CCDC148: variants seen among roughly 807,000 people sequenced by gnomAD.
The protein encoded by CCDC148 is coiled-coil domain containing 148, also known as coiled-coil domain-containing protein 148.
CCDC148 carries 89 observed loss-of-function variants against 85.7 expected under a neutral mutation model. The observed-to-expected ratio is 1.04, with a 90% confidence interval of 0.87 to 1.24. The LOEUF (loss-of-function observed/expected upper bound fraction) is 1.24. Among genes scored for constraint, CCDC148 ranks in the 50% most tolerant of loss-of-function variants. CCDC148 has a pLI of 0.00. For synonymous variants in CCDC148, 230 were observed against 213.9 expected (o/e 1.08, Z -0.66); for missense variants, 692 against 671.7 (o/e 1.03, Z -0.33).
At position 158,309,454 on chromosome 2, in the gene CCDC148, C is replaced by T; in HGVS notation, c.1089G>A (p.Leu363=). 1.2e-6 allele frequency: 2 copies of T among 1,614,060 alleles called. No homozygotes were observed. The highest frequency in any genetic ancestry group is 1.7e-6 in the Non-Finnish European group (2 of 1,179,944). ...TTACCTTGGCTTTCAGATCAGCACA[C>T]AATTCCTGTTGCTTTTTCTTGTCCT... ...LAKDKKKQQE[L]CADLKAKVRQ... Residue 363 remains leucine (L), a synonymous_variant, in exon 9 of 14, where the codon TTG becomes TTA. Transcript: ENST00000283233.
At chr2:158,438,759 G>A (rs1228814095) in intron 1 of CCDC148, among the ~76,000 whole-genome samples, 4 of 152,076 alleles carry the variant, frequency 2.6e-5, no homozygotes, top group Non-Finnish European at 4.4e-5. Flanking sequence ...AATCTACAAT[G>A]AACTCCAACA....
chr2:158,316,694 T>C (rs760942313), intron 7 of CCDC148, among the ~76,000 whole-genome samples: 12 of 152,180 alleles, frequency 7.9e-5, no homozygotes, highest in Admixed American at 1.3e-4. Flanking sequence ...AATATTCACA[T>C]AGGCAGTAAT....
At chr2:158,417,836 C>T (rs986069290) in intron 1 of CCDC148, among the ~76,000 whole-genome samples, 1 of 152,110 alleles carries the variant, frequency 6.6e-6, no homozygotes, top group African/African-American at 2.4e-5. Context: ...GTAGATCCCC[C>T]TGAGGCATAA....
intron 7 of CCDC148, among the ~76,000 whole-genome samples, chr2:158,329,182 A>T (rs1001610353): frequency 6.6e-6 from 1 of 152,148 alleles, no homozygotes; most frequent in African/African-American, 2.4e-5. Flanking sequence ...ATCTTGAATC[A>T]ATTTTTGTAC....
intron 1 of CCDC148, among the ~76,000 whole-genome samples, chr2:158,418,057 G>C (rs1487042330): frequency 6.7e-6 from 1 of 150,266 alleles, no homozygotes; most frequent in African/African-American, 2.4e-5. Context: ...TAGGTAATAA[G>C]AGAACCATTA....
At chr2:158,284,189 T>G (rs1247701629) in intron 9 of CCDC148, among the ~76,000 whole-genome samples, 2 of 151,328 alleles carry the variant, frequency 1.3e-5, no homozygotes, top group Non-Finnish European at 2.9e-5. Flanking sequence ...GACGAGTTAG[T>G]GGGTGAAGCG....
chr2:158,298,750 T>C (rs1197618437), intron 9 of CCDC148, among the ~76,000 whole-genome samples: 1 of 152,206 alleles, frequency 6.6e-6, no homozygotes, highest in Non-Finnish European at 1.5e-5. Context: ...CTGAAATACA[T>C]ATTTTCATTC....
rs189264367 is a variant in CCDC148, at chr2:158,213,660, C to A, written c.1370+6935G>T. ...TCACTGATAATAGAAAGCAGTGATG[C>A]TAAAGATATACAACAAATGAGATAT... is the stretch of plus-strand genomic sequence containing the variant. On this transcript the variant is annotated intron_variant, in intron 11 of 13. Transcript: ENST00000283233. Among the ~76,000 whole-genome samples, 33 of 152,240 alleles carry A rather than the reference C, an allele frequency of 2.2e-4. No homozygotes were observed. The East Asian group carries it at 5.8e-3, about 27-fold the overall frequency.
At chr2:158,296,804 T>C (rs1315501812) in intron 9 of CCDC148, among the ~76,000 whole-genome samples, 1 of 152,208 alleles carries the variant, frequency 6.6e-6, no homozygotes, top group African/African-American at 2.4e-5. Context: ...GGAACTAATA[T>C]GTAGATTCAT....
intron 11 of CCDC148, among the ~76,000 whole-genome samples, chr2:158,210,471 A>G (rs530045250): frequency 2.6e-5 from 4 of 152,266 alleles, no homozygotes; most frequent in Admixed American, 1.3e-4. Flanking sequence ...CCTAATAGAC[A>G]TCTACAGAAC....
intron 9 of CCDC148, among the ~76,000 whole-genome samples, chr2:158,287,525 A>T (rs1478487700): frequency 6.6e-6 from 1 of 152,204 alleles, no homozygotes. Context: ...CAAAGGGGCT[A>T]CAGGCCCCAC....
At chr2:158,425,474 G>A (rs1687032705) in intron 1 of CCDC148, among the ~76,000 whole-genome samples, 1 of 151,110 alleles carries the variant, frequency 6.6e-6, no homozygotes, top group South Asian at 2.1e-4. Flanking sequence ...CATGTTCTTT[G>A]TTTTTACTTT....
In CCDC148 at chr2:158,382,846, G is replaced by A. The variant is rs192376840; in HGVS notation, c.26-24276C>T. 1.2e-3 allele frequency among the ~76,000 whole-genome samples: 182 copies of A among 151,830 alleles called. 1 individual carries two copies. Among genetic ancestry groups the A allele is most frequent in the African/African-American group, 4.0e-3 (167 of 41,408 alleles). ...TGAGGCAGGAGAATGGCTTGAATCC[G>A]GGAGACAGAGGTTGCAGTGAGCCAA... On this transcript the variant is annotated intron_variant, in intron 1 of 13. Transcript: ENST00000283233.
chr2:158,397,551 T>A (rs1685578517), intron 1 of CCDC148, among the ~76,000 whole-genome samples: 1 of 152,136 alleles, frequency 6.6e-6, no homozygotes, highest in African/African-American at 2.4e-5. Flanking sequence ...GAAGGAGAAA[T>A]AAAATCCTTT....
intron 1 of CCDC148, among the ~76,000 whole-genome samples, chr2:158,406,523 A>G (rs1574765391): frequency 6.6e-6 from 1 of 151,800 alleles, no homozygotes; most frequent in Non-Finnish European, 1.5e-5. Flanking sequence ...TCTACTCACA[A>G]TGAAGCATAA....
rs192610820 is a variant in CCDC148, at chr2:158,240,374, G to A, written c.1251+10398C>T. ...GCCCTAGTAACATATTATATAAACT[G>A]ACAATATTTACAGTTTAAGTCATGT... On this transcript the variant is annotated intron_variant, in intron 10 of 13. Transcript: ENST00000283233. Among the ~76,000 whole-genome samples the A allele has an allele frequency of 1.7e-4, 26 of 150,620 alleles. No homozygotes were observed. In the East Asian group the frequency reaches 3.9e-3, roughly 23 times the overall value.
chr2:158,178,693 A>G (rs1343785071), intron 12 of CCDC148, among the ~76,000 whole-genome samples, 186 bp downstream of exon 12: 1 of 152,186 alleles, frequency 6.6e-6, no homozygotes, highest in East Asian at 1.9e-4. Flanking sequence ...CAATACACTG[A>G]GAAACTGGAA....
At chr2:158,307,321 A>G (rs1691740596) in intron 9 of CCDC148, among the ~76,000 whole-genome samples, 1 of 152,210 alleles carries the variant, frequency 6.6e-6, no homozygotes, top group African/African-American at 2.4e-5. Context: ...ACATATGAAA[A>G]GACACTTGGA....
chr2:158,434,518 G>C (rs2105335821), intron 1 of CCDC148, among the ~76,000 whole-genome samples: 1 of 152,288 alleles, frequency 6.6e-6, no homozygotes, highest in South Asian at 2.1e-4. Context: ...CAAAGATGGG[G>C]TAACCAGAGC....
Sources: gnomAD v4.1 joint callset for allele counts (sites outside exome capture counted in the v4.1 genomes callset) on GRCh38, gnomAD v4.1.1 for gene constraint, MANE v1.5 for transcripts, NCBI Gene and HGNC (gene_info 2026-07-23, HGNC 2026-07-21) for gene names.